NAALADL2: variants seen among roughly 807,000 people sequenced by gnomAD.
The protein encoded by NAALADL2 is inactive N-acetylated-alpha-linked acidic dipeptidase-like protein 2.
In NAALADL2, 76 loss-of-function variants were observed where a neutral mutation model predicts 87.2. That is an observed-to-expected ratio of 0.87 (90% confidence interval 0.72 to 1.05). The LOEUF (loss-of-function observed/expected upper bound fraction) is 1.05. Ranked by LOEUF, NAALADL2 falls within the 50% of genes least tolerant of loss-of-function variation. The pLI is 0.00. For missense variants in NAALADL2, 1,089 were observed against 945.8 expected (o/e 1.15, Z -1.99); for synonymous variants, 354 against 331.0 (o/e 1.07, Z -0.75).
At chr3:174,866,426 A>G (rs967115846) in intron 1 of NAALADL2, among the ~76,000 whole-genome samples, 1 of 151,894 alleles carries the variant, frequency 6.6e-6, no homozygotes, top group African/African-American at 2.4e-5. Flanking sequence ...AATAGAAAGG[A>G]AAATAATAGA....
intron 11 of NAALADL2, among the ~76,000 whole-genome samples, chr3:175,733,613 C>T (rs905155673): frequency 1.3e-5 from 2 of 152,180 alleles, no homozygotes; most frequent in Admixed American, 1.3e-4. Context: ...CAAAACCAAA[C>T]ATGCCTTCCC....
chr3:175,418,645 A>G (rs974314179), intron 5 of NAALADL2, among the ~76,000 whole-genome samples: 2 of 152,122 alleles, frequency 1.3e-5, no homozygotes, highest in Non-Finnish European at 2.9e-5. Context: ...TTGTGAATTT[A>G]GAAGTGATAG....
chr3:175,133,437 G>A (rs1431656949), intron 2 of NAALADL2, among the ~76,000 whole-genome samples: 2 of 152,206 alleles, frequency 1.3e-5, no homozygotes, highest in Admixed American at 6.5e-5. Context: ...GCACCATTGA[G>A]CACTGAGTGA....
chr3:174,728,823 T>C (rs1035634675), intron 2 of NAALADL2, among the ~76,000 whole-genome samples: 1 of 152,026 alleles, frequency 6.6e-6, no homozygotes, highest in Non-Finnish European at 1.5e-5. Flanking sequence ...ACCACAGACA[T>C]GAGTTTACAT....
Position 175,379,800 on chromosome 3 carries a change from C to T in NAALADL2, c.1090+55475C>T, listed in dbSNP as rs1581656709. Reference sequence around the variant, plus strand: ...ATTATCAAGGCTGTGATCCAGATAGCTTTATATTTCCCATCCAAATTTCTG... The same window carrying T: ...ATTATCAAGGCTGTGATCCAGATAGTTTTATATTTCCCATCCAAATTTCTG... On this transcript the variant is annotated intron_variant, in intron 5 of 13. Coordinates refer to ENST00000454872, the MANE Select transcript of NAALADL2 (RefSeq NM_207015.3). Among the ~76,000 whole-genome samples, 19 of 152,246 alleles carry T rather than the reference C, an allele frequency of 1.2e-4. 1 individual carries two copies. In the South Asian group the frequency reaches 3.9e-3, roughly 32 times the overall value.
At chr3:175,322,263 G>T (rs1230303588) in intron 4 of NAALADL2, among the ~76,000 whole-genome samples, 2 of 148,584 alleles carry the variant, frequency 1.3e-5, no homozygotes, top group African/African-American at 5.0e-5. Context: ...AATAAATGGT[G>T]CTGGGAAAAC....
chr3:174,972,208 G>A (rs920975377), intron 1 of NAALADL2, among the ~76,000 whole-genome samples: 1 of 152,146 alleles, frequency 6.6e-6, no homozygotes, highest in Non-Finnish European at 1.5e-5. Context: ...AAGTTAATCA[G>A]TTTTATGAGG....
chr3:174,453,238 A>T (rs1715602916), intron 1 of NAALADL2, among the ~76,000 whole-genome samples: 1 of 152,196 alleles, frequency 6.6e-6, no homozygotes, highest in African/African-American at 2.4e-5. Flanking sequence ...ATAGATTAAA[A>T]AGAATGAAAA....
At chr3:175,083,917 A>C (rs1206640843) in intron 1 of NAALADL2, among the ~76,000 whole-genome samples, 1 of 152,220 alleles carries the variant, frequency 6.6e-6, no homozygotes, top group Non-Finnish European at 1.5e-5. Flanking sequence ...CAAAGATAAA[A>C]GATAACTCAA....
intron 2 of NAALADL2, among the ~76,000 whole-genome samples, chr3:175,142,242 T>C (rs1730105811): frequency 6.6e-6 from 1 of 152,094 alleles, no homozygotes; most frequent in Non-Finnish European, 1.5e-5. Context: ...TAAAGTGAAT[T>C]AAACAAGATT....
At chr3:174,645,090 A>G (rs913993591) in intron 2 of NAALADL2, among the ~76,000 whole-genome samples, 1 of 150,724 alleles carries the variant, frequency 6.6e-6, no homozygotes. Flanking sequence ...CCATTTCCTG[A>G]TTGCAGAGAA....
chr3:174,453,620 TTAAAA>T (rs1160274576), intron 1 of NAALADL2, among the ~76,000 whole-genome samples: 1 of 152,202 alleles, frequency 6.6e-6, no homozygotes, highest in African/African-American at 2.4e-5. Context: ...TTCAACATTC[TTAAAA>T]TAAATTCCAA....
upstream of NAALADL2, among the ~76,000 whole-genome samples, chr3:174,856,768 A>G (rs569380895): frequency 3.0e-4 from 46 of 152,074 alleles, no homozygotes; most frequent in African/African-American, 1.1e-3. Context: ...GTAAGAACAT[A>G]CCTTCTATTT....
chr3:174,691,704 C>G (rs1189514851), intron 2 of NAALADL2, among the ~76,000 whole-genome samples: 4 of 152,152 alleles, frequency 2.6e-5, no homozygotes, highest in Non-Finnish European at 5.9e-5. Context: ...TAAAATTTCT[C>G]TAAATACTGG....
chr3:175,273,642 G>A (rs1331344954), intron 4 of NAALADL2, among the ~76,000 whole-genome samples: 3 of 151,676 alleles, frequency 2.0e-5, no homozygotes, highest in African/African-American at 4.8e-5. Flanking sequence ...TGTTGTTTAA[G>A]GAAATAGAAA....
intron 9 of NAALADL2, among the ~76,000 whole-genome samples, chr3:175,549,019 T>C (rs1431842020): frequency 6.6e-6 from 1 of 152,060 alleles, no homozygotes; most frequent in Non-Finnish European, 1.5e-5. Context: ...TGGATTGTCT[T>C]GCAATCTAAG....
At chr3:175,456,402 A>G (rs1722327273) in intron 6 of NAALADL2, among the ~76,000 whole-genome samples, 1 of 152,038 alleles carries the variant, frequency 6.6e-6, no homozygotes, top group Non-Finnish European at 1.5e-5. Flanking sequence ...GCTGTCATCA[A>G]ATTTTACATG....
At chr3:175,026,949 C>T (rs1407589344) in intron 1 of NAALADL2, among the ~76,000 whole-genome samples, 8 of 152,034 alleles carry the variant, frequency 5.3e-5, no homozygotes, top group Non-Finnish European at 1.0e-4. Flanking sequence ...TTCCCTCTGT[C>T]CCTAACTTAT....
intron 1 of NAALADL2, among the ~76,000 whole-genome samples, chr3:174,882,893 A>G (rs982336596): frequency 4.7e-5 from 7 of 150,018 alleles, no homozygotes; most frequent in African/African-American, 1.7e-4. Flanking sequence ...GTATATATGT[A>G]TATATATGTG....
Sources: gnomAD v4.1 joint callset for allele counts (sites outside exome capture counted in the v4.1 genomes callset) on GRCh38, gnomAD v4.1.1 for gene constraint, MANE v1.5 for transcripts, NCBI Gene and HGNC (gene_info 2026-07-23, HGNC 2026-07-21) for gene names.